ACVR1: variants seen among roughly 807,000 people sequenced by gnomAD.
The protein encoded by ACVR1 is activin receptor type-1.
A neutral mutation model predicts 57.1 loss-of-function variants in ACVR1; 38 were observed. That is an observed-to-expected ratio of 0.67 (90% CI 0.51 to 0.87). The LOEUF is 0.87. ACVR1 is among the 40% of genes least tolerant of loss of function. ACVR1 has a pLI of 0.00. For missense variants in ACVR1, 463 were observed against 638.2 expected (o/e 0.73, Z 2.96); for synonymous variants, 212 against 228.1 (o/e 0.93, Z 0.63).
At chr2:157,785,982 A>C (rs1559055936) in intron 3 of ACVR1, among the ~76,000 whole-genome samples, 1 of 152,108 alleles carries the variant, frequency 6.6e-6, no homozygotes, top group Non-Finnish European at 1.5e-5. Flanking sequence ...TTTCCTCTTC[A>C]GTTACTGGAA....
intron 1 of ACVR1, among the ~76,000 whole-genome samples, chr2:157,839,273 G>T (rs1300798111): frequency 1.3e-5 from 2 of 152,116 alleles, no homozygotes; most frequent in Non-Finnish European, 2.9e-5. Flanking sequence ...CCTTTCTATT[G>T]TCCCACCCTG....
In ACVR1 at chr2:157,751,980, C is replaced by T. The variant is rs1260499375; in HGVS notation, c.1264+8900G>A. Among the ~76,000 whole-genome samples the T allele has an allele frequency of 2.0e-5, 3 of 152,218 alleles. No homozygotes were observed. The East Asian group carries it at 5.8e-4, about 29-fold the overall frequency. On this transcript the variant is annotated intron_variant, in intron 9 of 10. Transcript: ENST00000434821. Reference sequence around the variant, plus strand: ...TAATGCTCTCTTGAAAGCGCCACCTCCTGGCAGGAAGCCAACCTGCACAAA... The same window carrying T: ...TAATGCTCTCTTGAAAGCGCCACCTTCTGGCAGGAAGCCAACCTGCACAAA...
At chr2:157,865,660 C>G (rs562482559) in intron 1 of ACVR1, among the ~76,000 whole-genome samples, 1 of 151,632 alleles carries the variant, frequency 6.6e-6, no homozygotes, top group Non-Finnish European at 1.5e-5. Context: ...GGCGTGGTGG[C>G]GCATGCTTGT....
At position 157,799,466 on chromosome 2, in the gene ACVR1, C is replaced by G; in HGVS notation, c.28G>C (p.Val10Leu). MVDGVMILP[V>L]LIMIALPSPS... ...GAGGGGAGAGCAATCATGATAAGCACAGGAAGAATCATCACTCCATCTACC... is the reference window on the plus strand; with the variant it reads ...GAGGGGAGAGCAATCATGATAAGCAGAGGAAGAATCATCACTCCATCTACC... The change falls in exon 3 of 11, where the codon GTG becomes CTG. Residue 10 changes from valine to leucine, a missense_variant. This residue lies in a region of ACVR1 where 203 missense variants were observed against 235.5 expected (regional missense o/e 0.86). Coordinates refer to ENST00000434821, the MANE Select transcript of ACVR1 (RefSeq NM_001111067.4). 1 of 1,612,140 alleles carries G rather than the reference C, an allele frequency of 6.2e-7. No individual in the cohort carries two copies. Among genetic ancestry groups the G allele is most frequent in the South Asian group, 1.1e-5 (1 of 91,026 alleles).
At chr2:157,739,899 T>G (rs1361349707) in intron 9 of ACVR1, among the ~76,000 whole-genome samples, 1 of 152,178 alleles carries the variant, frequency 6.6e-6, no homozygotes, top group Non-Finnish European at 1.5e-5. Context: ...TTTTTAAAAA[T>G]CTAGGCTGGG....
intron 1 of ACVR1, among the ~76,000 whole-genome samples, chr2:157,851,373 C>CA (rs1689296541): frequency 6.6e-6 from 1 of 151,814 alleles, no homozygotes; most frequent in African/African-American, 2.4e-5. Flanking sequence ...GCATGGAAGT[C>CA]AAAAAATCAG....
chr2:157,798,526 G>T (rs1246975972), intron 3 of ACVR1, among the ~76,000 whole-genome samples: 1 of 119,286 alleles, frequency 8.4e-6, no homozygotes, highest in African/African-American at 3.1e-5. Flanking sequence ...TTTTTTGGAG[G>T]GGGTGGGGGG....
rs576476487 is a variant in ACVR1 at position 157,868,327 on chromosome 2, G to GAA, written c.-183+7467_-183+7468dup. Among the ~76,000 whole-genome samples the GAA allele has an allele frequency of 3.6e-4, 52 of 144,312 alleles. No homozygotes were observed. In the South Asian group the frequency reaches 9.1e-3, roughly 25 times the overall value. 94.7% of individuals were successfully genotyped at this position (144,312 alleles called of 152,430 possible). ...GTGAAACCCCATCTCTACTAAAAAT[G>GAA]AAAAAAAAAAATAGCTGGGCATGGT... On this transcript the variant is annotated intron_variant, in intron 1 of 10. Transcript: ENST00000434821.
At chr2:157,814,574 A>C (rs1480497186) in intron 2 of ACVR1, among the ~76,000 whole-genome samples, 1 of 152,216 alleles carries the variant, frequency 6.6e-6, no homozygotes, top group East Asian at 1.9e-4. Flanking sequence ...CTTGGCAATA[A>C]ATTTCTACCA....
At chr2:157,864,716 C>T (rs16842204) in intron 1 of ACVR1, among the ~76,000 whole-genome samples, 4,830 of 152,202 alleles carry the variant, frequency 0.032, 89 homozygotes, top group African/African-American at 0.05. Context: ...TTCAAAAGAT[C>T]AGTTCAAAAG....
intron 3 of ACVR1, among the ~76,000 whole-genome samples, chr2:157,782,225 C>T (rs1379208494): frequency 2.6e-5 from 4 of 152,148 alleles, no homozygotes; most frequent in African/African-American, 7.2e-5. Context: ...GTGGGTGCCT[C>T]GTCCCACAGA....
chr2:157,821,297 G>A (rs1688152155), intron 1 of ACVR1, among the ~76,000 whole-genome samples: 1 of 152,154 alleles, frequency 6.6e-6, no homozygotes, highest in South Asian at 2.1e-4. Context: ...AGGCCGAGGT[G>A]GGTGGACCAC....
chr2:157,846,261 G>A (rs1269535605), intron 1 of ACVR1, among the ~76,000 whole-genome samples: 2 of 152,178 alleles, frequency 1.3e-5, no homozygotes, highest in Non-Finnish European at 2.9e-5. Context: ...CAAAGGAAGT[G>A]GATTCTCCCA....
chr2:157,737,777 T>G, intron 10 of ACVR1, 112 bp from the exon 11 acceptor site: 4 of 1,372,780 alleles, frequency 2.9e-6, no homozygotes, highest in Non-Finnish European at 3.1e-6. Context: ...CTTGTGAAAT[T>G]AGAGTTATGT....
intron 1 of ACVR1, among the ~76,000 whole-genome samples, chr2:157,834,709 A>G (rs1353152718): frequency 1.3e-5 from 2 of 152,142 alleles, no homozygotes; most frequent in African/African-American, 2.4e-5. Flanking sequence ...TATTCAATCC[A>G]TGCTATGGTC....
intron 1 of ACVR1, among the ~76,000 whole-genome samples, chr2:157,834,746 T>C (rs1050893060): frequency 6.6e-6 from 1 of 152,186 alleles, no homozygotes; most frequent in African/African-American, 2.4e-5. Flanking sequence ...CTCAAATTCA[T>C]ATGTTGTAAC....
chr2:157,818,780 C>T (rs1049979572), intron 1 of ACVR1, among the ~76,000 whole-genome samples: 10 of 152,092 alleles, frequency 6.6e-5, no homozygotes, highest in Admixed American at 1.3e-4. Context: ...TTTCTAAACA[C>T]AAAAACCAGT....
intron 1 of ACVR1, among the ~76,000 whole-genome samples, chr2:157,854,301 G>C (rs1407340543): frequency 6.6e-6 from 1 of 150,684 alleles, no homozygotes; most frequent in Non-Finnish European, 1.5e-5. Context: ...TTTGCACAAA[G>C]ACTTGGTGAT....
chr2:157,836,559 G>A (rs544992606), intron 1 of ACVR1, among the ~76,000 whole-genome samples: 134 of 152,250 alleles, frequency 8.8e-4, no homozygotes, highest in Non-Finnish European at 1.4e-3. Context: ...TGAGCTCTTC[G>A]CCAGGTACTT....
Sources: allele counts gnomAD v4.1 joint callset (sites outside exome capture counted in the v4.1 genomes callset), GRCh38; gene constraint gnomAD v4.1.1; regional missense constraint gnomAD v4.1.1; transcripts MANE v1.5; gene names NCBI Gene and HGNC (gene_info 2026-07-23, HGNC 2026-07-21).